COL23A1: variants seen among roughly 807,000 people sequenced by gnomAD.
COL23A1 encodes collagen alpha-1(XXIII) chain.
In COL23A1, 97 loss-of-function variants were observed where a neutral mutation model predicts 99.3. The ratio of observed to expected loss-of-function variants is 0.98; its 90% CI spans 0.83 to 1.16. COL23A1 has a LOEUF of 1.16. Among genes scored for constraint, COL23A1 ranks in the 50% most tolerant of loss-of-function variants. The pLI is 0.00. For synonymous variants in COL23A1, 320 were observed against 308.2 expected, an observed-to-expected ratio of 1.04 and a Z score of -0.40; for missense variants, 762 against 757.4, an observed-to-expected ratio of 1.01 and a Z score of -0.07.
chr5:178,444,905 T>C (rs1159220865), intron 2 of COL23A1, among the ~76,000 whole-genome samples: 1 of 152,232 alleles, frequency 6.6e-6, no homozygotes, highest in Admixed American at 6.5e-5. Context: ...TATAATACAG[T>C]AGCTTACCTC....
intron 5 of COL23A1, among the ~76,000 whole-genome samples, chr5:178,286,965 C>T (rs899221815): frequency 2.6e-5 from 4 of 152,360 alleles, no homozygotes; most frequent in Middle Eastern, 6.8e-3. Context: ...AAGGGAACTG[C>T]GTCATGCCAG....
chr5:178,342,209 A>C (rs1385873156), intron 2 of COL23A1, among the ~76,000 whole-genome samples: 1 of 152,178 alleles, frequency 6.6e-6, no homozygotes, highest in Admixed American at 6.5e-5. Context: ...ATTTGCACTT[A>C]GGACAGTGTC....
chr5:178,497,836 T>A (rs1203822601), intron 2 of COL23A1, among the ~76,000 whole-genome samples: 1 of 151,650 alleles, frequency 6.6e-6, no homozygotes, highest in African/African-American at 2.4e-5. Flanking sequence ...AGACATAATG[T>A]GGAAAATAAA....
intron 5 of COL23A1, among the ~76,000 whole-genome samples, chr5:178,286,044 G>A (rs767119508): frequency 6.6e-6 from 1 of 152,196 alleles, no homozygotes; most frequent in African/African-American, 2.4e-5. Context: ...TGCTGGCGAC[G>A]TGAACGCCCT....
At chr5:178,569,195 G>C (rs1462719917) in intron 1 of COL23A1, among the ~76,000 whole-genome samples, 2 of 152,176 alleles carry the variant, frequency 1.3e-5, no homozygotes, top group Non-Finnish European at 2.9e-5. Flanking sequence ...TGTATATCCT[G>C]TTTGAAGAAA....
At chr5:178,378,365 C>CCA (rs70995000) in intron 2 of COL23A1, 15,425 of 152,150 alleles carry the variant, frequency 0.1, 1,555 homozygotes, top group African/African-American at 0.27. Flanking sequence ...AGTCCATGCC[C>CCA]CACAGCAAGT....
Position 178,340,992 on chromosome 5 carries a change from T to G in COL23A1, c.362-34073A>C, listed in dbSNP as rs140614629. 2.0e-5 allele frequency among the ~76,000 whole-genome samples: 3 copies of G among 152,272 alleles called. No homozygotes were observed. The highest frequency in any genetic ancestry group is 3.4e-3 in the Middle Eastern group (1 of 292). On this transcript the variant is annotated intron_variant, in intron 2 of 28. Coordinates refer to ENST00000390654, the MANE Select transcript of COL23A1 (RefSeq NM_173465.4). This position sits in a 1 kb window ranked among gnomAD's most constrained non-coding sequence, Gnocchi z 4.7. ...ATACCCACCAGCTCTATTTCCCCCATTATGAAGATGGAGGAACTGAGTCCC... is the reference window on the plus strand; with the variant it reads ...ATACCCACCAGCTCTATTTCCCCCAGTATGAAGATGGAGGAACTGAGTCCC...
chr5:178,302,504 T>C (rs1313841352), intron 3 of COL23A1, among the ~76,000 whole-genome samples: 1 of 152,248 alleles, frequency 6.6e-6, no homozygotes, highest in Non-Finnish European at 1.5e-5. Flanking sequence ...GGAGCACGGC[T>C]TCGATGCTCC....
intron 2 of COL23A1, among the ~76,000 whole-genome samples, chr5:178,533,901 G>A (rs1760790632): frequency 6.6e-6 from 1 of 152,092 alleles, no homozygotes; most frequent in Non-Finnish European, 1.5e-5. Flanking sequence ...CATTCCTTAG[G>A]GAGGCTTCAG....
intron 2 of COL23A1, among the ~76,000 whole-genome samples, chr5:178,511,064 A>G (rs749455055): frequency 2.0e-5 from 3 of 152,220 alleles, no homozygotes; most frequent in Non-Finnish European, 4.4e-5. Context: ...TAGAAATTAT[A>G]TTTTATTAAA....
At chr5:178,506,573 G>A (rs1035465815) in intron 2 of COL23A1, among the ~76,000 whole-genome samples, 1 of 152,240 alleles carries the variant, frequency 6.6e-6, no homozygotes, top group Non-Finnish European at 1.5e-5. Flanking sequence ...GAGGCCTGGT[G>A]TGGGGCTGTG....
chr5:178,499,213 T>C (rs1191522412), intron 2 of COL23A1, among the ~76,000 whole-genome samples: 5 of 152,020 alleles, frequency 3.3e-5, no homozygotes, highest in Non-Finnish European at 7.4e-5. Flanking sequence ...ATATCAACAC[T>C]CTCAGAGAGA....
rs114766280 is a variant in COL23A1, at chr5:178,385,879, T to G, written c.362-78960A>C. On this transcript the variant is annotated intron_variant, in intron 2 of 28. Transcript: ENST00000390654. Reference sequence around the variant, plus strand: ...GGATTTTCAAAAGATGTATTCAACCTGTTTTAGTCTGGGATTTCATACAAT... The same window carrying G: ...GGATTTTCAAAAGATGTATTCAACCGGTTTTAGTCTGGGATTTCATACAAT... Among the ~76,000 whole-genome samples, 1,022 of 152,294 alleles carry G rather than the reference T, an allele frequency of 6.7e-3. 8 individuals are homozygous for G. Among genetic ancestry groups the G allele is most frequent in the African/African-American group, 0.023 (976 of 41,562 alleles).
chr5:178,246,721 C>G lies in COL23A1; in HGVS notation c.1297-268G>C, dbSNP rs564839511. Among the ~76,000 whole-genome samples, 8 of 8,236 alleles carry G rather than the reference C, an allele frequency of 9.7e-4. No individual in the cohort carries two copies. In the East Asian group the frequency reaches 0.012, roughly 12 times the overall value. The allele number at this position is 8,236 out of a possible 152,430, so 5.4% of individuals were successfully genotyped here. ...CAAAGATGAGGAAAGCAGGTGCAGA[C>G]GGGGGGCGGGGGGGGGGGGACAGGC... On this transcript the variant is annotated intron_variant, in intron 22 of 28. Transcript: ENST00000390654.
At chr5:178,538,102 A>C (rs1015241183) in intron 2 of COL23A1, among the ~76,000 whole-genome samples, 2 of 152,116 alleles carry the variant, frequency 1.3e-5, no homozygotes, top group African/African-American at 4.8e-5. Flanking sequence ...CTGTTTGTCT[A>C]TTCATCTGTG....
chr5:178,433,472 T>G (rs1170355483), intron 2 of COL23A1, among the ~76,000 whole-genome samples: 1 of 151,796 alleles, frequency 6.6e-6, no homozygotes, highest in East Asian at 1.9e-4. Flanking sequence ...TTGCTGAGGG[T>G]TTTTATGGAG....
intron 3 of COL23A1, among the ~76,000 whole-genome samples, chr5:178,293,913 C>A (rs917570763): frequency 6.6e-6 from 1 of 152,008 alleles, no homozygotes; most frequent in Non-Finnish European, 1.5e-5. Flanking sequence ...GAGGAGGCCA[C>A]GGAGTCCAGA....
intron 7 of COL23A1, 103 bp downstream of exon 7, chr5:178,268,627 G>C (rs994003648): frequency 5.1e-5 from 59 of 1,150,692 alleles, no homozygotes; most frequent in Non-Finnish European, 7.3e-5. Context: ...CTCTAGGAGG[G>C]GCTGTGATGT....
rs1311483629 is a variant in COL23A1 at position 178,549,847 on chromosome 5, ATTTC to A, written c.361+10831_361+10834del. Among the ~76,000 whole-genome samples, 10 of 152,232 alleles carry A rather than the reference ATTTC, an allele frequency of 6.6e-5. No homozygotes were observed. The East Asian group carries it at 1.2e-3, about 18-fold the overall frequency. On this transcript the variant is annotated intron_variant, in intron 2 of 28. Coordinates refer to ENST00000390654, the MANE Select transcript of COL23A1 (RefSeq NM_173465.4). ...CAAAACAAAAACAAAAACAAAAACA[ATTTC>A]TTTAACAACAAAATAACAAACATGA... is the stretch of plus-strand genomic sequence containing the variant.
Sources: allele counts gnomAD v4.1 joint callset (sites outside exome capture counted in the v4.1 genomes callset), GRCh38; gene constraint gnomAD v4.1.1; non-coding constraint Gnocchi (gnomAD v3.1); transcripts MANE v1.5; gene names NCBI Gene and HGNC (gene_info 2026-07-23, HGNC 2026-07-21).